MAP4K4: variants seen among roughly 807,000 people sequenced by gnomAD.
MAP4K4 encodes the protein HPK/GCK-like kinase HGK.
A neutral mutation model predicts 189.6 loss-of-function variants in MAP4K4; 38 were observed. The observed-to-expected ratio is 0.20, with a 90% CI of 0.15 to 0.26. MAP4K4 has a LOEUF of 0.26. MAP4K4 is among the 10% of genes least tolerant of loss of function. The pLI is 1.00. For synonymous variants in MAP4K4, 610 were observed against 624.3 expected (o/e 0.98, Z 0.34); for missense variants, 1,054 against 1,726.9 (o/e 0.61, Z 6.91).
chr2:101,836,306 G>C (rs928956908), intron 9 of MAP4K4, among the ~76,000 whole-genome samples: 1 of 152,128 alleles, frequency 6.6e-6, no homozygotes, highest in Non-Finnish European at 1.5e-5. Flanking sequence ...GAAAGCGACC[G>C]GGCGCGGTGG....
At position 101,839,816 on chromosome 2, in the gene MAP4K4, C is replaced by A. The variant is rs768194218; in HGVS notation, c.774-3C>A. On this transcript the variant is annotated splice_region_variant and splice_polypyrimidine_tract_variant and intron_variant, in intron 9 of 32. Coordinates refer to ENST00000324219, the Ensembl canonical transcript of MAP4K4. The stretch of plus-strand genomic sequence containing the variant: ...ATTTGATGATCTTTTTCACTTCTTA[C>A]AGGTCGAAGAAGTTTTTTAGTTTTA... The A allele has an allele frequency of 6.4e-7, 1 of 1,573,124 alleles. No homozygotes were observed. Among genetic ancestry groups the A allele is most frequent in the Non-Finnish European group, 8.6e-7 (1 of 1,165,240 alleles).
chr2:101,867,657 A>G (rs1577067954), intron 20 of MAP4K4: 1 of 349,258 alleles, frequency 2.9e-6, no homozygotes, highest in Non-Finnish European at 5.2e-6. Context: ...AAGAAAGAAA[A>G]GCCTTTTTAT....
chr2:101,841,059 T>G (rs1189023473), intron 10 of MAP4K4, among the ~76,000 whole-genome samples: 1 of 152,218 alleles, frequency 6.6e-6, no homozygotes, highest in Admixed American at 6.5e-5. Flanking sequence ...ATGACTTGAC[T>G]TAGTAATAAT....
intron 12 of MAP4K4, among the ~76,000 whole-genome samples, chr2:101,853,561 T>C (rs2097351553): frequency 6.6e-6 from 1 of 152,134 alleles, no homozygotes; most frequent in African/African-American, 2.4e-5. Context: ...ATAGATGCTC[T>C]AGGAAGTGAA....
chr2:101,731,358 C>A (rs1024048866), intron 2 of MAP4K4, among the ~76,000 whole-genome samples: 27 of 151,864 alleles, frequency 1.8e-4, no homozygotes, highest in African/African-American at 6.3e-4. Context: ...CTAGGTGATC[C>A]GCCTGCCTTG....
At chr2:101,743,188 C>G (rs977511141) in intron 2 of MAP4K4, among the ~76,000 whole-genome samples, 3 of 152,010 alleles carry the variant, frequency 2.0e-5, no homozygotes, top group East Asian at 1.9e-4. Flanking sequence ...AGGTGGCTGC[C>G]TTAATTTTCA....
intron 3 of MAP4K4, among the ~76,000 whole-genome samples, chr2:101,812,450 C>T (rs2095487994): frequency 6.6e-6 from 1 of 152,192 alleles, no homozygotes; most frequent in African/African-American, 2.4e-5. Flanking sequence ...TCCACCTCCT[C>T]ACAGCACGCG....
At chr2:101,737,081 A>G (rs188799786) in intron 2 of MAP4K4, among the ~76,000 whole-genome samples, 1 of 152,304 alleles carries the variant, frequency 6.6e-6, no homozygotes, top group East Asian at 1.9e-4. Flanking sequence ...ACCATGAAAC[A>G]CAGATGATAA....
chr2:101,873,913 T>A, intron 25 of MAP4K4, 149 bp downstream of exon 25: 1 of 788,420 alleles, frequency 1.3e-6, no homozygotes, highest in Admixed American at 2.7e-5. Flanking sequence ...TTATTTGCAA[T>A]GAGATGCAGA....
chr2:101,889,608 G>T (rs534714377), intron 32 of MAP4K4, among the ~76,000 whole-genome samples: 1 of 152,090 alleles, frequency 6.6e-6, no homozygotes, highest in Non-Finnish European at 1.5e-5. Flanking sequence ...AAGGGAGAAG[G>T]CATCGAGGGT....
chr2:101,756,663 T>A (rs971077588), intron 2 of MAP4K4, among the ~76,000 whole-genome samples: 1 of 151,920 alleles, frequency 6.6e-6, no homozygotes, highest in African/African-American at 2.4e-5. Context: ...CAGGTGATCC[T>A]CCCACCTCAG....
At chr2:101,882,493 T>C (rs2098416217) in intron 27 of MAP4K4, 58 bp from the exon 28 acceptor site, 9 of 1,338,292 alleles carry the variant, frequency 6.7e-6, no homozygotes, top group South Asian at 4.7e-5. Context: ...ACTATTGTTA[T>C]TAATGATGAG....
At chr2:101,862,017 C>A (rs141308732) in intron 16 of MAP4K4, 1 of 151,616 alleles carries the variant, frequency 6.6e-6, no homozygotes, top group South Asian at 2.1e-4. Flanking sequence ...GGCAGATCAC[C>A]TGAGGTCAGG....
exon 28 of MAP4K4, chr2:101,882,672 A>G (rs2098417852): frequency 1.3e-6 from 2 of 1,593,298 alleles, no homozygotes; most frequent in South Asian, 1.2e-5. Flanking sequence ...AAGGATGTGT[A>G]CATTATAAAG....
At chr2:101,749,352 G>A (rs1445915687) in intron 2 of MAP4K4, among the ~76,000 whole-genome samples, 49 of 151,528 alleles carry the variant, frequency 3.2e-4, no homozygotes, top group Admixed American at 2.8e-3. Flanking sequence ...CAGAAATAAC[G>A]CTGCATATCT....
chr2:101,829,465 C>A, intron 5 of MAP4K4, 39 bp from the exon 6 acceptor site: 1 of 1,410,182 alleles, frequency 7.1e-7, no homozygotes, highest in Non-Finnish European at 9.9e-7. Context: ...TACTTATAGT[C>A]ACAGAAAACT....
At chr2:101,834,071 A>AT (rs1381071231) in intron 7 of MAP4K4, among the ~76,000 whole-genome samples, 1 of 152,218 alleles carries the variant, frequency 6.6e-6, no homozygotes, top group Non-Finnish European at 1.5e-5. Context: ...ACAGTAGACA[A>AT]TTCAGAGAGA....
At chr2:101,760,500 CAA>C (rs1373470018) in intron 2 of MAP4K4, among the ~76,000 whole-genome samples, 7 of 91,092 alleles carry the variant, frequency 7.7e-5, no homozygotes, top group South Asian at 3.6e-4. Flanking sequence ...AAAAAAAAAA[CAA>C]AATATATATA....
At chr2:101,720,630 C>T (rs559189312) in intron 2 of MAP4K4, among the ~76,000 whole-genome samples, 1 of 152,318 alleles carries the variant, frequency 6.6e-6, no homozygotes, top group Admixed American at 6.5e-5. Context: ...GGGTTTCTCT[C>T]ATCTTACTCG....
Sources: gnomAD v4.1 joint callset for allele counts (sites outside exome capture counted in the v4.1 genomes callset) on GRCh38, gnomAD v4.1.1 for gene constraint, MANE v1.5 for transcripts, NCBI Gene and HGNC (gene_info 2026-07-23, HGNC 2026-07-21) for gene names.